The following DCC variants were observed in gnomAD, a reference collection of about 807,000 sequenced individuals.
The protein encoded by DCC is DCC netrin 1 receptor.
DCC carries 58 observed loss-of-function variants against 172.5 expected under a neutral mutation model. The ratio of observed to expected loss-of-function variants is 0.34; its 90% CI spans 0.27 to 0.42. The LOEUF (loss-of-function observed/expected upper bound fraction) is 0.42. DCC is among the 10% of genes least tolerant of loss of function. The pLI is 1.00. For synonymous variants in DCC, 709 were observed against 644.5 expected, an observed-to-expected ratio of 1.10 and a Z score of -1.52; for missense variants, 1,740 against 1,791.0, an observed-to-expected ratio of 0.97 and a Z score of 0.51.
chr18:53,522,275 A>G (rs891726025), intron 27 of DCC, among the ~76,000 whole-genome samples: 1 of 150,370 alleles, frequency 6.7e-6, no homozygotes, highest in Non-Finnish European at 1.5e-5. Flanking sequence ...TATAGTCAGA[A>G]GTTTGGAAAA....
rs74180422 is a variant in DCC, at chr18:53,407,528, G to GATATATATATATATATATATAT, written c.2936-2917_2936-2896dup. Among the ~76,000 whole-genome samples the GATATATATATATATATATATAT allele has an allele frequency of 2.6e-3, 303 of 117,294 alleles. 2 individuals carry two copies. Among genetic ancestry groups the GATATATATATATATATATATAT allele is most frequent in the Middle Eastern group, 5.8e-3 (1 of 172 alleles). The allele number at this position is 117,294 out of a possible 152,430, so 76.9% of individuals were successfully genotyped here. ...TATATCTCCAGTGATTTTTATTCTGGATATATATATATATATATATATATA... is the reference window on the plus strand; with the variant it reads ...TATATCTCCAGTGATTTTTATTCTGGATATATATATATATATATATATATATATATATATATATATATATATA... On this transcript the variant is annotated intron_variant, in intron 19 of 28. Transcript: ENST00000442544.
At chr18:53,201,754 C>A (rs1264815025) in intron 9 of DCC, among the ~76,000 whole-genome samples, 1 of 152,148 alleles carries the variant, frequency 6.6e-6, no homozygotes, top group Admixed American at 6.6e-5. Context: ...CGTTGTTCAA[C>A]TTTTTCTCTT....
intron 13 of DCC, among the ~76,000 whole-genome samples, chr18:53,309,101 GA>G (rs1489986764): frequency 5.3e-5 from 8 of 152,006 alleles, no homozygotes; most frequent in African/African-American, 1.9e-4. Context: ...ACCGTGGCAT[GA>G]TCATAGTTTA....
chr18:52,672,965 A>G (rs1284715063), intron 1 of DCC, among the ~76,000 whole-genome samples: 2 of 152,146 alleles, frequency 1.3e-5, no homozygotes, highest in African/African-American at 4.8e-5. Context: ...TGGGAGGTTA[A>G]AGTGGGAAGA....
chr18:53,306,510 G>T lies in DCC; in HGVS notation c.2053+791G>T, dbSNP rs146859826. Among the ~76,000 whole-genome samples the T allele has an allele frequency of 2.3e-3, 348 of 152,310 alleles. 1 individual carries two copies. Among genetic ancestry groups the T allele is most frequent in the African/African-American group, 7.9e-3 (329 of 41,572 alleles). ...CAACTTCGGGGCAAACACAGCACTT[G>T]CTAGGTCTCCTGGGTGTCTCTTGAG... is the stretch of plus-strand genomic sequence containing the variant. On this transcript the variant is annotated intron_variant, in intron 13 of 28. Transcript: ENST00000442544.
chr18:53,115,372 C>T (rs1009280544), intron 7 of DCC, among the ~76,000 whole-genome samples: 52 of 151,310 alleles, frequency 3.4e-4, no homozygotes, highest in African/African-American at 1.2e-3. Flanking sequence ...ATTAGTTTTG[C>T]TTGTTTTACC....
At chr18:52,559,518 G>A (rs2032990535) in intron 1 of DCC, among the ~76,000 whole-genome samples, 1 of 152,088 alleles carries the variant, frequency 6.6e-6, no homozygotes, top group African/African-American at 2.4e-5. Flanking sequence ...CAGCCACAAG[G>A]CTTAGCATGC....
intron 2 of DCC, among the ~76,000 whole-genome samples, chr18:52,875,459 A>G (rs888157477): frequency 1.3e-5 from 2 of 152,196 alleles, no homozygotes; most frequent in African/African-American, 4.8e-5. Context: ...AACACTGAAC[A>G]TAATGTTCTG....
intron 12 of DCC, among the ~76,000 whole-genome samples, chr18:53,252,684 G>C (rs2056453474): frequency 6.6e-6 from 1 of 151,896 alleles, no homozygotes; most frequent in Non-Finnish European, 1.5e-5. Context: ...TCAAGATTAA[G>C]GGAGAAGTGG....
intron 2 of DCC, among the ~76,000 whole-genome samples, chr18:52,812,328 G>A (rs1568119742): frequency 6.6e-6 from 1 of 151,644 alleles, no homozygotes; most frequent in Non-Finnish European, 1.5e-5. Context: ...TCTATGCCTT[G>A]CTTCTAAAAA....
intron 1 of DCC, among the ~76,000 whole-genome samples, chr18:52,591,593 A>C (rs2033800487): frequency 6.6e-6 from 1 of 151,904 alleles, no homozygotes; most frequent in South Asian, 2.1e-4. Context: ...TCTTCAGTGC[A>C]CATTGCCAAA....
intron 1 of DCC, among the ~76,000 whole-genome samples, chr18:52,728,203 C>A (rs2036583041): frequency 6.6e-6 from 1 of 152,104 alleles, no homozygotes; most frequent in Non-Finnish European, 1.5e-5. Context: ...CTCAATCTCT[C>A]TCAATGAATG....
At chr18:52,693,562 A>G (rs1326185589) in intron 1 of DCC, among the ~76,000 whole-genome samples, 1 of 151,656 alleles carries the variant, frequency 6.6e-6, no homozygotes, top group Non-Finnish European at 1.5e-5. Context: ...GTGATGTTCC[A>G]GTAGCAACAA....
intron 26 of DCC, among the ~76,000 whole-genome samples, chr18:53,494,446 A>T (rs1053373507): frequency 3.3e-5 from 5 of 152,186 alleles, no homozygotes; most frequent in African/African-American, 1.2e-4. Context: ...GTGGGAGTCT[A>T]AATCTCTTTG....
chr18:53,368,314 C>T (rs192041579), intron 15 of DCC, among the ~76,000 whole-genome samples: 1 of 152,166 alleles, frequency 6.6e-6, no homozygotes, highest in East Asian at 1.9e-4. Context: ...TTTAGGAGTT[C>T]ACTATGTATT....
intron 12 of DCC, among the ~76,000 whole-genome samples, chr18:53,270,294 T>C (rs191579310): frequency 1.3e-5 from 2 of 152,288 alleles, no homozygotes; most frequent in East Asian, 1.9e-4. Context: ...ATTTGAAAGA[T>C]GCTTTGAAGA....
intron 1 of DCC, among the ~76,000 whole-genome samples, chr18:52,361,155 T>C (rs1439103918): frequency 6.6e-6 from 1 of 152,238 alleles, no homozygotes; most frequent in South Asian, 2.1e-4. Flanking sequence ...ATCTTTATTA[T>C]AATTTCTACC....
chr18:53,025,874 C>T (rs1395135303), intron 5 of DCC, among the ~76,000 whole-genome samples: 1 of 149,864 alleles, frequency 6.7e-6, no homozygotes, highest in Non-Finnish European at 1.5e-5. Flanking sequence ...TAAAATAGGT[C>T]TTGGTGGAAT....
intron 1 of DCC, among the ~76,000 whole-genome samples, chr18:52,556,873 G>T (rs1275554241): frequency 6.6e-6 from 1 of 152,060 alleles, no homozygotes; most frequent in East Asian, 1.9e-4. Flanking sequence ...TTGTATTTTG[G>T]ACTAACTCTC....
Sources: allele counts gnomAD v4.1 joint callset (sites outside exome capture counted in the v4.1 genomes callset), GRCh38; gene constraint gnomAD v4.1.1; transcripts MANE v1.5; gene names NCBI Gene and HGNC (gene_info 2026-07-23, HGNC 2026-07-21).